Variants in PPFIA2 observed in about 807,000 individuals in gnomAD.
The protein encoded by PPFIA2 is PPFI scaffold protein A2.
A neutral mutation model predicts 175.5 loss-of-function variants in PPFIA2; 46 were observed. The ratio of observed to expected loss-of-function variants is 0.26; its 90% CI spans 0.21 to 0.34. PPFIA2 has a LOEUF of 0.34. PPFIA2 is among the 10% of genes least tolerant of loss of function. PPFIA2 has a pLI of 1.00. For synonymous variants in PPFIA2, 568 were observed against 511.4 expected (o/e 1.11, Z -1.49); for missense variants, 1,179 against 1,506.1 (o/e 0.78, Z 3.60).
chr12:81,752,532 T>C (rs1193836986), intron 3 of PPFIA2, among the ~76,000 whole-genome samples: 1 of 152,164 alleles, frequency 6.6e-6, no homozygotes, highest in Non-Finnish European at 1.5e-5. Context: ...TTAAAAACAT[T>C]ATTTCATCTC....
At chr12:81,649,415 A>G (rs530986734) in intron 4 of PPFIA2, among the ~76,000 whole-genome samples, 1 of 152,292 alleles carries the variant, frequency 6.6e-6, no homozygotes, top group African/African-American at 2.4e-5. Flanking sequence ...GACAATACCA[A>G]GTGCTGCTGA....
At chr12:81,694,627 T>C (rs2075675949) in intron 3 of PPFIA2, among the ~76,000 whole-genome samples, 1 of 152,124 alleles carries the variant, frequency 6.6e-6, no homozygotes, top group East Asian at 1.9e-4. Flanking sequence ...GAGCCTCTCC[T>C]AGGGAAGCTC....
At chr12:81,727,051 C>T (rs1032338588) in intron 3 of PPFIA2, among the ~76,000 whole-genome samples, 1 of 151,278 alleles carries the variant, frequency 6.6e-6, no homozygotes, top group Non-Finnish European at 1.5e-5. Context: ...TTGTTGCAAA[C>T]CACAGAGATT....
intron 4 of PPFIA2, among the ~76,000 whole-genome samples, chr12:81,514,280 A>G (rs1427798234): frequency 6.6e-6 from 1 of 152,002 alleles, no homozygotes; most frequent in African/African-American, 2.4e-5. Flanking sequence ...TACTGATGTT[A>G]GCATTTAAAA....
intron 3 of PPFIA2, among the ~76,000 whole-genome samples, chr12:81,680,540 C>T (rs1355427469): frequency 6.6e-6 from 1 of 151,910 alleles, no homozygotes; most frequent in African/African-American, 2.4e-5. Context: ...GGCTAAACCA[C>T]AGGCTGGTAA....
chr12:81,670,592 T>C (rs1462354548), intron 4 of PPFIA2, among the ~76,000 whole-genome samples: 1 of 151,964 alleles, frequency 6.6e-6, no homozygotes, highest in Non-Finnish European at 1.5e-5. Context: ...TTGCTTCCTC[T>C]GACTTCCTGC....
At chr12:81,498,269 TAC>T (rs1422157840) in intron 4 of PPFIA2, among the ~76,000 whole-genome samples, 4 of 152,204 alleles carry the variant, frequency 2.6e-5, no homozygotes, top group African/African-American at 7.2e-5. Flanking sequence ...AATGAAAAAC[TAC>T]AGACTGTCTT....
intron 4 of PPFIA2, among the ~76,000 whole-genome samples, chr12:81,666,309 C>G (rs950847996): frequency 3.6e-4 from 55 of 152,300 alleles, no homozygotes; most frequent in African/African-American, 1.3e-3. Flanking sequence ...GACACATGCA[C>G]ATGCATGTTT....
At chr12:81,275,945 C>T (rs1279417798) in intron 28 of PPFIA2, among the ~76,000 whole-genome samples, 4 of 151,650 alleles carry the variant, frequency 2.6e-5, no homozygotes, top group African/African-American at 7.3e-5. Flanking sequence ...CCACCACGCC[C>T]GGCTAATTTT....
chr12:81,475,499 T>C (rs1420764095), intron 4 of PPFIA2, among the ~76,000 whole-genome samples: 1 of 152,222 alleles, frequency 6.6e-6, no homozygotes, highest in East Asian at 1.9e-4. Context: ...TATTTATTAT[T>C]TCTCCTGATT....
At chr12:81,268,297 C>T (rs2038024399) in intron 28 of PPFIA2, among the ~76,000 whole-genome samples, 2 of 151,114 alleles carry the variant, frequency 1.3e-5, no homozygotes, top group African/African-American at 4.9e-5. Flanking sequence ...CGCCACTACG[C>T]CCGGCTAATT....
At chr12:81,583,238 T>C (rs879275706) in intron 4 of PPFIA2, among the ~76,000 whole-genome samples, 5 of 151,990 alleles carry the variant, frequency 3.3e-5, no homozygotes, top group Admixed American at 1.3e-4. Flanking sequence ...GCATGCAACG[T>C]CATTCCTGTG....
intron 4 of PPFIA2, among the ~76,000 whole-genome samples, chr12:81,570,865 CTAA>C (rs1174161982): frequency 6.6e-6 from 1 of 151,838 alleles, no homozygotes; most frequent in African/African-American, 2.4e-5. Flanking sequence ...CGGTTCGAAA[CTAA>C]CTGAAGATAT....
chr12:81,593,839 A>G (rs1166971377), intron 4 of PPFIA2, among the ~76,000 whole-genome samples: 1 of 152,184 alleles, frequency 6.6e-6, no homozygotes, highest in Non-Finnish European at 1.5e-5. Flanking sequence ...TTTTATGCCA[A>G]GCTGGGAAGA....
chr12:81,400,154 T>C (rs1191262102), intron 8 of PPFIA2, among the ~76,000 whole-genome samples: 3 of 152,190 alleles, frequency 2.0e-5, no homozygotes, highest in African/African-American at 4.8e-5. Flanking sequence ...AACTTTTAAC[T>C]GGACAGCTGA....
At chr12:81,644,507 G>T (rs891449369) in intron 4 of PPFIA2, among the ~76,000 whole-genome samples, 2 of 151,920 alleles carry the variant, frequency 1.3e-5, no homozygotes, top group African/African-American at 4.8e-5. Context: ...GTACAATATT[G>T]CAGACTTGTA....
chr12:81,270,052 T>C (rs2038614439), intron 28 of PPFIA2, among the ~76,000 whole-genome samples: 1 of 152,188 alleles, frequency 6.6e-6, no homozygotes, highest in African/African-American at 2.4e-5. Flanking sequence ...ACACCACCTG[T>C]TCCCCAAAAA....
chr12:81,612,780 G>T (rs1391412512), intron 4 of PPFIA2, among the ~76,000 whole-genome samples: 1 of 152,136 alleles, frequency 6.6e-6, no homozygotes, highest in Non-Finnish European at 1.5e-5. Context: ...AATGTACATA[G>T]ATGTGTCATA....
intron 24 of PPFIA2, among the ~76,000 whole-genome samples, chr12:81,284,882 T>C (rs1476246491): frequency 6.6e-6 from 1 of 152,184 alleles, no homozygotes; most frequent in Non-Finnish European, 1.5e-5. Context: ...AAATAGTAAG[T>C]GTCCCTGAAT....
Sources: allele counts gnomAD v4.1 joint callset (sites outside exome capture counted in the v4.1 genomes callset), GRCh38; gene constraint gnomAD v4.1.1; transcripts MANE v1.5; gene names NCBI Gene and HGNC (gene_info 2026-07-23, HGNC 2026-07-21).